ADAMTS19: variants seen among roughly 807,000 people sequenced by gnomAD.
The protein encoded by ADAMTS19 is A disintegrin and metalloproteinase with thrombospondin motifs 19.
Under a neutral mutation model 153.3 loss-of-function variants are expected in ADAMTS19, and 93 were observed. The observed-to-expected ratio is 0.61, with a 90% CI of 0.51 to 0.72. ADAMTS19 has a LOEUF of 0.72. Ranked by LOEUF, ADAMTS19 falls within the 30% of genes least tolerant of loss-of-function variation. The pLI, the probability that ADAMTS19 is intolerant of heterozygous loss-of-function variation, is 0.00. For synonymous variants in ADAMTS19, 600 were observed against 556.6 expected, an observed-to-expected ratio of 1.08 and a Z score of -1.10; for missense variants, 1,482 against 1,552.1, an observed-to-expected ratio of 0.95 and a Z score of 0.76.
At chr5:129,733,527 C>T (rs1386397593) in intron 21 of ADAMTS19, among the ~76,000 whole-genome samples, 7 of 151,740 alleles carry the variant, frequency 4.6e-5, no homozygotes, top group Admixed American at 4.6e-4. Flanking sequence ...AGGAGAGACA[C>T]ACAAGCAACC....
In ADAMTS19 at chr5:129,711,894, T is replaced by C. The variant is rs557993593; in HGVS notation, c.3312+7503T>C. Among the ~76,000 whole-genome samples the C allele has an allele frequency of 3.9e-5, 6 of 152,194 alleles. No individual in the cohort carries two copies. The South Asian group carries it at 1.2e-3, about 32-fold the overall frequency. On this transcript the variant is annotated intron_variant, in intron 21 of 22. Coordinates refer to ENST00000274487, the MANE Select transcript of ADAMTS19 (RefSeq NM_133638.6). Reference sequence around the variant, plus strand: ...AAGTATTTCTCCTTTCTTTCTGCTTTATACCAAAGATCGCTTTTGCAGAGG... The same window carrying C: ...AAGTATTTCTCCTTTCTTTCTGCTTCATACCAAAGATCGCTTTTGCAGAGG...
chr5:129,473,651 G>GAT (rs1750135975), intron 2 of ADAMTS19, among the ~76,000 whole-genome samples: 1 of 152,020 alleles, frequency 6.6e-6, no homozygotes, highest in South Asian at 2.1e-4. Flanking sequence ...TGCTAACATG[G>GAT]ATAATTTCTC....
At chr5:129,730,547 C>A (rs1286779087) in intron 21 of ADAMTS19, among the ~76,000 whole-genome samples, 1 of 152,062 alleles carries the variant, frequency 6.6e-6, no homozygotes, top group East Asian at 1.9e-4. Context: ...ATTTACCATG[C>A]AAATAGTAAT....
At chr5:129,666,414 T>G (rs976630512) in intron 16 of ADAMTS19, among the ~76,000 whole-genome samples, 5 of 152,178 alleles carry the variant, frequency 3.3e-5, no homozygotes. Flanking sequence ...CAAGCCTATT[T>G]TTTTAACAAA....
At chr5:129,584,346 G>A (rs973368172) in intron 7 of ADAMTS19, among the ~76,000 whole-genome samples, 12 of 152,178 alleles carry the variant, frequency 7.9e-5, no homozygotes, top group African/African-American at 2.9e-4. Flanking sequence ...CTGCTGGGAG[G>A]TGTCTCCCAT....
intron 2 of ADAMTS19, among the ~76,000 whole-genome samples, chr5:129,504,855 C>G (rs1178350897): frequency 8.1e-6 from 1 of 123,274 alleles, no homozygotes; most frequent in Non-Finnish European, 1.6e-5. Flanking sequence ...GAGTAGTATT[C>G]TGTCTACACA....
rs547725562 is a variant in ADAMTS19 at position 129,654,335 on chromosome 5, G to T, written c.2206G>T (p.Val736Phe). ...ACCATGTGCCTTGTTTTGCTCTCCT[G>T]TTGGAAAAGAACAGCCTATTCTTCT... ...EKPCALFCSP[V>F]GKEQPILLSE... Residue 736 changes from valine to phenylalanine, a missense_variant, in exon 14 of 23, where the codon GTT becomes TTT. Around this residue, in one of 2 missense-constraint regions of ADAMTS19, gnomAD observed 616 missense variants for 724.4 expected, o/e 0.85. Coordinates refer to ENST00000274487, the MANE Select transcript of ADAMTS19 (RefSeq NM_133638.6). 3 of 1,612,282 alleles carry T rather than the reference G, an allele frequency of 1.9e-6. No individual in the cohort carries two copies. Among genetic ancestry groups the T allele is most frequent in the East Asian group, 2.2e-5 (1 of 44,834 alleles).
intron 6 of ADAMTS19, among the ~76,000 whole-genome samples, chr5:129,536,248 A>G (rs185534660): frequency 0.11 from 17,243 of 152,112 alleles, 1,061 homozygotes; most frequent in Middle Eastern, 0.16. Context: ...AAAAGTGGGC[A>G]AAGTATATGA....
chr5:129,659,537 T>G (rs1433675314), intron 15 of ADAMTS19, among the ~76,000 whole-genome samples: 2 of 152,212 alleles, frequency 1.3e-5, no homozygotes, highest in African/African-American at 2.4e-5. Flanking sequence ...TACTGGTATC[T>G]ATTTTCATGA....
chr5:129,613,648 A>G (rs1751350201), intron 8 of ADAMTS19, among the ~76,000 whole-genome samples: 1 of 152,218 alleles, frequency 6.6e-6, no homozygotes, highest in Non-Finnish European at 1.5e-5. Context: ...GAGCAAACAC[A>G]TTCAAAAGCT....
At chr5:129,697,617 T>C (rs1481489524) in intron 19 of ADAMTS19, among the ~76,000 whole-genome samples, 1 of 152,252 alleles carries the variant, frequency 6.6e-6, no homozygotes, top group Non-Finnish European at 1.5e-5. Context: ...TTTTTCATGA[T>C]ACAGAGTAGT....
At chr5:129,541,172 A>AT (rs201932816) in intron 6 of ADAMTS19, among the ~76,000 whole-genome samples, 19,630 of 144,184 alleles carry the variant, frequency 0.14, 1,499 homozygotes, top group African/African-American at 0.22. Flanking sequence ...AAATAACTAG[A>AT]TTTTTTTTTT....
At chr5:129,731,012 G>T (rs868199649) in intron 21 of ADAMTS19, among the ~76,000 whole-genome samples, 5 of 151,994 alleles carry the variant, frequency 3.3e-5, no homozygotes, top group Admixed American at 6.6e-5. Context: ...AGGCTGGAGT[G>T]CAGTGGCATG....
chr5:129,576,068 G>C (rs1324499811), intron 7 of ADAMTS19, among the ~76,000 whole-genome samples: 1 of 148,078 alleles, frequency 6.8e-6, no homozygotes, highest in African/African-American at 2.5e-5. Context: ...GGGTGGGTGG[G>C]TCTCGGTGGT....
At position 129,701,502 on chromosome 5, in the gene ADAMTS19, G is replaced by A. The variant is rs766226159; in HGVS notation, c.3069G>A (p.Glu1023=). The part of the protein sequence containing the change: ...LSNGTLIRAR[E]RDCIGPKPAS... ...ATGGAACACTGATTAGAGCCCGAGAGAGGGACTGCATTGGGCCCAAGCCCG... is the reference window on the plus strand; with the variant it reads ...ATGGAACACTGATTAGAGCCCGAGAAAGGGACTGCATTGGGCCCAAGCCCG... The change falls in exon 20 of 23, where the codon GAG becomes GAA. Residue 1023 remains glutamate (E), a synonymous_variant. Transcript: ENST00000274487. 32 of 1,614,094 alleles carry A rather than the reference G, an allele frequency of 2.0e-5. No individual in the cohort carries two copies. In the East Asian group the frequency reaches 5.8e-4, roughly 29 times the overall value.
At chr5:129,685,081 G>A (rs868428352) in intron 18 of ADAMTS19, among the ~76,000 whole-genome samples, 24 of 152,114 alleles carry the variant, frequency 1.6e-4, no homozygotes, top group Admixed American at 3.9e-4. Context: ...ATCTAAGTGT[G>A]ATGTCAAGTA....
rs535220329 is a variant in ADAMTS19 at position 129,628,720 on chromosome 5, T to C, written c.1770+6372T>C. On this transcript the variant is annotated intron_variant, in intron 10 of 22. Transcript: ENST00000274487. ...ATATACAACAATGGTCTTATAAGAT[T>C]ATAGTCCGTATTTTTACTGTAACAT... Among the ~76,000 whole-genome samples, 19 of 152,194 alleles carry C rather than the reference T, an allele frequency of 1.2e-4. 1 individual carries two copies. Among genetic ancestry groups the C allele is most frequent in the African/African-American group, 3.6e-4 (15 of 41,546 alleles).
At chr5:129,630,361 G>T (rs1752232672) in intron 10 of ADAMTS19, among the ~76,000 whole-genome samples, 1 of 152,174 alleles carries the variant, frequency 6.6e-6, no homozygotes, top group Non-Finnish European at 1.5e-5. Context: ...CATGATTTAA[G>T]ACTTACAAAG....
chr5:129,694,747 C>G lies in ADAMTS19; in HGVS notation c.2846C>G (p.Thr949Arg). 6.2e-7 allele frequency: 1 copy of G among 1,603,836 alleles called. No homozygotes were observed. Among genetic ancestry groups the G allele is most frequent in the Non-Finnish European group, 8.5e-7 (1 of 1,174,860 alleles). Reference sequence around the variant, plus strand: ...GAAAGGAAGACAACAGTGTCCTGCACAAAAATCATGAGCAAAAATATCAGC... The same window carrying G: ...GAAAGGAAGACAACAGTGTCCTGCAGAAAAATCATGAGCAAAAATATCAGC... Reference protein sequence around the residue: ...GGERKTTVSCTKIMSKNISIV... With the variant: ...GGERKTTVSCRKIMSKNISIV... Residue 949 changes from threonine to arginine, a missense_variant, in exon 19 of 23, where the codon ACA (threonine) becomes AGA (arginine). By Grantham distance (71) the Thr-to-Arg change is moderately conservative. This residue lies in a region of ADAMTS19 where 616 missense variants were observed against 724.4 expected (regional missense o/e 0.85). Coordinates refer to ENST00000274487, the MANE Select transcript of ADAMTS19 (RefSeq NM_133638.6).
Sources: gnomAD v4.1 joint callset for allele counts (sites outside exome capture counted in the v4.1 genomes callset) on GRCh38, gnomAD v4.1.1 for gene constraint, gnomAD v4.1.1 regional missense constraint, MANE v1.5 for transcripts, NCBI Gene and HGNC (gene_info 2026-07-23, HGNC 2026-07-21) for gene names.